SORCS1: variants seen among roughly 807,000 people sequenced by gnomAD.
The protein encoded by SORCS1 is VPS10 domain-containing receptor SorCS1.
Under a neutral mutation model 146.1 loss-of-function variants are expected in SORCS1, and 60 were observed. The ratio of observed to expected loss-of-function variants is 0.41; its 90% CI spans 0.33 to 0.51. The LOEUF (loss-of-function observed/expected upper bound fraction) is 0.51. SORCS1 is among the 20% of genes least tolerant of loss of function. The pLI is 0.21. For missense variants in SORCS1, 1,352 were observed against 1,487.6 expected (o/e 0.91, Z 1.50); for synonymous variants, 637 against 584.0 (o/e 1.09, Z -1.31).
chr10:106,799,369 A>C (rs954514785), intron 3 of SORCS1, among the ~76,000 whole-genome samples: 5 of 152,216 alleles, frequency 3.3e-5, no homozygotes, highest in Non-Finnish European at 7.3e-5. Flanking sequence ...CAAAAGCCAA[A>C]ACTGACAAAT....
intron 2 of SORCS1, among the ~76,000 whole-genome samples, chr10:106,841,732 G>A (rs914092164): frequency 6.6e-6 from 1 of 152,128 alleles, no homozygotes; most frequent in Admixed American, 6.6e-5. Flanking sequence ...ATACATCTCA[G>A]CTTCCTGCAT....
chr10:106,777,872 C>T (rs772837465), intron 3 of SORCS1, among the ~76,000 whole-genome samples: 6 of 152,120 alleles, frequency 3.9e-5, no homozygotes, highest in Non-Finnish European at 8.8e-5. Context: ...TTAATTGGTA[C>T]TTTCTGAATT....
At chr10:106,885,091 ATGT>A (rs1950945061) in intron 2 of SORCS1, among the ~76,000 whole-genome samples, 4 of 152,322 alleles carry the variant, frequency 2.6e-5, no homozygotes, top group Admixed American at 2.6e-4. Context: ...TAGAAAATCT[ATGT>A]TGTTTAGAAT....
chr10:106,688,703 T>C (rs1240041647), intron 9 of SORCS1, among the ~76,000 whole-genome samples: 1 of 152,194 alleles, frequency 6.6e-6, no homozygotes, highest in East Asian at 1.9e-4. Context: ...TGTATGCTAG[T>C]GTAGCACCCA....
At chr10:107,039,833 G>A (rs557602388) in intron 1 of SORCS1, among the ~76,000 whole-genome samples, 11 of 152,246 alleles carry the variant, frequency 7.2e-5, no homozygotes, top group Admixed American at 3.9e-4. Flanking sequence ...CTAAGGCCCC[G>A]GAACAGTGGT....
At chr10:106,635,551 T>C (rs1848680250) in intron 18 of SORCS1, among the ~76,000 whole-genome samples, 1 of 152,112 alleles carries the variant, frequency 6.6e-6, no homozygotes, top group Non-Finnish European at 1.5e-5. Flanking sequence ...CAGGAAGGGA[T>C]CAGCTGGATT....
intron 5 of SORCS1, among the ~76,000 whole-genome samples, chr10:106,732,210 G>GA (rs1856648821): frequency 6.6e-6 from 1 of 152,162 alleles, no homozygotes; most frequent in Non-Finnish European, 1.5e-5. Context: ...CTTCCCCTAG[G>GA]AAGCAGATAT....
At chr10:107,044,652 T>C (rs1416954903) in intron 1 of SORCS1, among the ~76,000 whole-genome samples, 1 of 151,188 alleles carries the variant, frequency 6.6e-6, no homozygotes, top group East Asian at 1.9e-4. Flanking sequence ...TGAAACCCTG[T>C]CTCTACTGAA....
intron 5 of SORCS1, among the ~76,000 whole-genome samples, chr10:106,749,809 T>A (rs1355451308): frequency 6.6e-6 from 1 of 152,244 alleles, no homozygotes; most frequent in Non-Finnish European, 1.5e-5. Flanking sequence ...CTGAATGATC[T>A]CATTTTAATC....
chr10:107,103,820 G>A (rs1276399865), intron 1 of SORCS1, among the ~76,000 whole-genome samples: 1 of 152,162 alleles, frequency 6.6e-6, no homozygotes, highest in Non-Finnish European at 1.5e-5. Flanking sequence ...TCTCCTTCAT[G>A]TAAAACTCAA....
At chr10:106,615,626 C>A in intron 21 of SORCS1, among the ~76,000 whole-genome samples, 1 of 152,030 alleles carries the variant, frequency 6.6e-6, no homozygotes, top group East Asian at 1.9e-4. Context: ...CCAGCCTGGG[C>A]AACATAGGGA....
chr10:107,064,474 A>C (rs1211400399), intron 1 of SORCS1, among the ~76,000 whole-genome samples: 1 of 152,198 alleles, frequency 6.6e-6, no homozygotes, highest in Non-Finnish European at 1.5e-5. Context: ...TGGGAGCCAG[A>C]GGTGATAACC....
At chr10:106,849,927 G>A (rs1443612771) in intron 2 of SORCS1, among the ~76,000 whole-genome samples, 1 of 152,128 alleles carries the variant, frequency 6.6e-6, no homozygotes, top group Non-Finnish European at 1.5e-5. Flanking sequence ...CCCACTTGAG[G>A]AGGCAGTCTG....
the SORCS1 span, among the ~76,000 whole-genome samples, chr10:107,180,226 T>A: frequency 6.6e-6 from 1 of 152,136 alleles, no homozygotes; most frequent in Non-Finnish European, 1.5e-5. Flanking sequence ...TGAACAAACA[T>A]CTTCAGTTTT....
intron 2 of SORCS1, among the ~76,000 whole-genome samples, chr10:106,877,498 A>T (rs1055230887): frequency 3.3e-5 from 5 of 152,104 alleles, no homozygotes; most frequent in African/African-American, 9.7e-5. Flanking sequence ...GTGTCACTGC[A>T]CTCCAATCAG....
chr10:106,706,515 G>A (rs752308865), intron 8 of SORCS1, 30 bp downstream of exon 8: 14 of 1,603,898 alleles, frequency 8.7e-6, no homozygotes, highest in Non-Finnish European at 1.2e-5. Flanking sequence ...AGAGTCAAGA[G>A]TGAAATGAAG....
At chr10:106,618,006 G>A (rs1847491557) in intron 21 of SORCS1, 143 bp downstream of exon 21, 2 of 1,062,998 alleles carry the variant, frequency 1.9e-6, no homozygotes, top group Non-Finnish European at 2.7e-6. Flanking sequence ...GAGAAGATGA[G>A]ACTCGCCTCA....
intron 3 of SORCS1, among the ~76,000 whole-genome samples, chr10:106,786,833 T>A (rs1238101602): frequency 1.3e-5 from 2 of 152,218 alleles, no homozygotes; most frequent in Non-Finnish European, 2.9e-5. Context: ...AATCATAGAA[T>A]TCCTGGGATA....
At chr10:106,624,945 C>T (rs1381495921) in intron 19 of SORCS1, among the ~76,000 whole-genome samples, 2 of 152,196 alleles carry the variant, frequency 1.3e-5, no homozygotes, top group Non-Finnish European at 2.9e-5. Context: ...AAACTCCAGA[C>T]CCTGGAGGCC....
Sources: allele counts gnomAD v4.1 joint callset (sites outside exome capture counted in the v4.1 genomes callset), GRCh38; gene constraint gnomAD v4.1.1; transcripts MANE v1.5; gene names NCBI Gene and HGNC (gene_info 2026-07-23, HGNC 2026-07-21).